ROBO2: variants seen among roughly 807,000 people sequenced by gnomAD.
ROBO2 encodes roundabout homolog 2.
ROBO2 carries 53 observed loss-of-function variants against 160.8 expected under a neutral mutation model. The observed-to-expected ratio is 0.33, with a 90% confidence interval of 0.26 to 0.41. ROBO2 has a LOEUF of 0.41. Ranked by LOEUF, ROBO2 falls within the 10% of genes least tolerant of loss-of-function variation. The probability of loss-of-function intolerance (pLI) is 1.00; values close to 1 mark genes in which losing one functional copy is unlikely to be tolerated. For missense variants in ROBO2, 1,577 were observed against 1,722.4 expected, an observed-to-expected ratio of 0.92 and a Z score of 1.49; for synonymous variants, 664 against 611.7, an observed-to-expected ratio of 1.09 and a Z score of -1.26.
chr3:77,176,637 T>C (rs1233553154), intron 2 of ROBO2, among the ~76,000 whole-genome samples: 2 of 151,996 alleles, frequency 1.3e-5, no homozygotes, highest in African/African-American at 2.4e-5. Flanking sequence ...GCCAAAAACT[T>C]GTGGATCTCA....
At chr3:76,964,034 A>T (rs866817032) in intron 2 of ROBO2, among the ~76,000 whole-genome samples, 1 of 152,250 alleles carries the variant, frequency 6.6e-6, no homozygotes. Context: ...GTGAAAAGAA[A>T]AGAACAGAAA....
At position 76,644,282 on chromosome 3, in the gene ROBO2, A is replaced by C. The variant is rs950294013; in HGVS notation, c.110-453732A>C. On this transcript the variant is annotated intron_variant, in intron 2 of 26. Coordinates refer to the ROBO2 transcript ENST00000487694. ...GAAAAGCAAGTGGTGTTAAAAAAAA[A>C]TTCATTCAATTCAAGACAACTCAAC... is the stretch of plus-strand genomic sequence containing the variant. 2.0e-5 allele frequency among the ~76,000 whole-genome samples: 3 copies of C among 151,872 alleles called. No individual in the cohort carries two copies. The East Asian group carries it at 5.8e-4, about 29-fold the overall frequency.
At chr3:77,500,352 C>T (rs571355673) in intron 5 of ROBO2, among the ~76,000 whole-genome samples, 3 of 152,158 alleles carry the variant, frequency 2.0e-5, no homozygotes, top group South Asian at 4.1e-4. Flanking sequence ...TATTAATAAG[C>T]ATTAGGGCCA....
intron 2 of ROBO2, among the ~76,000 whole-genome samples, chr3:76,189,209 CAAA>C (rs1266823349): frequency 6.6e-6 from 1 of 151,820 alleles, no homozygotes; most frequent in Admixed American, 6.6e-5. Context: ...AATGAGTACT[CAAA>C]TATGAAGGCT....
At chr3:76,593,169 G>A (rs540331948) in intron 2 of ROBO2, among the ~76,000 whole-genome samples, 1 of 152,046 alleles carries the variant, frequency 6.6e-6, no homozygotes, top group Non-Finnish European at 1.5e-5. Context: ...TTCCTAACTT[G>A]TTAGAAGATA....
intron 2 of ROBO2, among the ~76,000 whole-genome samples, chr3:77,447,792 A>G (rs1483592074): frequency 1.3e-5 from 2 of 152,136 alleles, no homozygotes; most frequent in Non-Finnish European, 2.9e-5. Flanking sequence ...AAGAATCCAT[A>G]TATGTTAAAC....
chr3:76,409,239 C>T (rs766130067), intron 2 of ROBO2, among the ~76,000 whole-genome samples: 8 of 151,964 alleles, frequency 5.3e-5, no homozygotes, highest in Non-Finnish European at 1.0e-4. Flanking sequence ...AAGTAATGAT[C>T]AGATCCAACT....
chr3:77,544,268 G>A (rs1209164541), intron 6 of ROBO2, among the ~76,000 whole-genome samples: 2 of 152,038 alleles, frequency 1.3e-5, no homozygotes, highest in Non-Finnish European at 2.9e-5. Context: ...CAATGTATCT[G>A]CTGATTCGGG....
chr3:77,385,496 T>A (rs1163003370), intron 2 of ROBO2, among the ~76,000 whole-genome samples: 2 of 152,222 alleles, frequency 1.3e-5, no homozygotes, highest in Non-Finnish European at 2.9e-5. Context: ...TGGTAGTGTA[T>A]AGATCTAGAA....
chr3:77,563,455 CT>C, intron 11 of ROBO2, 126 bp downstream of exon 12: 1 of 935,364 alleles, frequency 1.1e-6, no homozygotes, highest in Non-Finnish European at 1.7e-6. Context: ...GAATTGATCT[CT>C]TCTCTCTGAC....
chr3:77,228,414 AAC>A (rs55991541), intron 2 of ROBO2, among the ~76,000 whole-genome samples: 260 of 148,448 alleles, frequency 1.8e-3, no homozygotes, highest in African/African-American at 4.6e-3. Context: ...TACATGCACA[AAC>A]ACACACACAC....
chr3:76,535,828 G>A (rs976896704), intron 2 of ROBO2, among the ~76,000 whole-genome samples: 3 of 152,184 alleles, frequency 2.0e-5, no homozygotes, highest in South Asian at 2.1e-4. Context: ...AAAGGAGAAG[G>A]ACTTACCCTC....
intron 2 of ROBO2, among the ~76,000 whole-genome samples, chr3:76,032,234 G>C (rs1305224518): frequency 2.0e-5 from 3 of 151,972 alleles, no homozygotes; most frequent in Admixed American, 2.0e-4. Flanking sequence ...GCGTCTATTT[G>C]ATTCTTCTCT....
intron 2 of ROBO2, among the ~76,000 whole-genome samples, chr3:76,536,503 T>G (rs1356097902): frequency 6.6e-6 from 1 of 152,138 alleles, no homozygotes; most frequent in Non-Finnish European, 1.5e-5. Context: ...GGGTACCTTC[T>G]TTAAGCTTGT....
intron 2 of ROBO2, among the ~76,000 whole-genome samples, chr3:77,288,542 C>T (rs1250907092): frequency 6.6e-6 from 1 of 152,148 alleles, no homozygotes; most frequent in African/African-American, 2.4e-5. Flanking sequence ...AATTAACATG[C>T]CTGTTGTGCT....
chr3:75,907,129 G>A (rs1466872924), intron 1 of ROBO2, among the ~76,000 whole-genome samples: 2 of 152,166 alleles, frequency 1.3e-5, no homozygotes, highest in South Asian at 2.1e-4. Flanking sequence ...GGGTGGTTGC[G>A]ATCCTCACGG....
At chr3:77,015,751 C>A (rs925749836) in intron 2 of ROBO2, among the ~76,000 whole-genome samples, 3 of 152,122 alleles carry the variant, frequency 2.0e-5, no homozygotes, top group Non-Finnish European at 4.4e-5. Context: ...TCTCCAGCAT[C>A]ACAGTTACCT....
chr3:77,293,675 T>A (rs1376308417), intron 2 of ROBO2, among the ~76,000 whole-genome samples: 17 of 120,230 alleles, frequency 1.4e-4, no homozygotes, highest in South Asian at 5.3e-4. Flanking sequence ...GTAAAATTGA[T>A]GGTTAAATGG....
intron 2 of ROBO2, among the ~76,000 whole-genome samples, chr3:76,266,671 T>C (rs1341619161): frequency 6.6e-6 from 1 of 152,142 alleles, no homozygotes; most frequent in Non-Finnish European, 1.5e-5. Flanking sequence ...ACAAAAAGGC[T>C]AAGTGATTTG....
Sources: gnomAD v4.1 joint callset for allele counts (sites outside exome capture counted in the v4.1 genomes callset) on GRCh38, gnomAD v4.1.1 for gene constraint, MANE v1.5 for transcripts, NCBI Gene and HGNC (gene_info 2026-07-23, HGNC 2026-07-21) for gene names.